SORL1: variants seen among roughly 807,000 people sequenced by gnomAD.
SORL1 encodes sortilin related receptor 1.
A neutral mutation model predicts 273.7 loss-of-function variants in SORL1; 127 were observed. The observed-to-expected ratio is 0.46, with a 90% CI of 0.40 to 0.54. SORL1 has a LOEUF of 0.54. Among genes scored for constraint, SORL1 ranks in the 20% least tolerant of loss-of-function variants. The pLI is 0.00. For synonymous variants in SORL1, 1,031 were observed against 1,067.4 expected (o/e 0.97, Z 0.66); for missense variants, 2,494 against 2,846.1 (o/e 0.88, Z 2.81).
At chr11:121,512,459 A>G (rs1470351590) in intron 6 of SORL1, among the ~76,000 whole-genome samples, 3 of 152,232 alleles carry the variant, frequency 2.0e-5, no homozygotes, top group East Asian at 3.8e-4. Context: ...ACCTTCCTCA[A>G]TGAGATTATT....
intron 31 of SORL1, 85 bp downstream of exon 31, chr11:121,591,241 C>A: frequency 6.9e-7 from 1 of 1,446,404 alleles, no homozygotes; most frequent in Non-Finnish European, 9.6e-7. Flanking sequence ...ACAATCCAAC[C>A]GGGCCCCATG....
At chr11:121,507,292 T>C (rs531212627) in intron 6 of SORL1, among the ~76,000 whole-genome samples, 1 of 152,298 alleles carries the variant, frequency 6.6e-6, no homozygotes, top group East Asian at 1.9e-4. Flanking sequence ...AGGAATTCAT[T>C]GAGCTGACTG....
chr11:121,514,903 A>G (rs866097322), intron 8 of SORL1, among the ~76,000 whole-genome samples: 67 of 151,970 alleles, frequency 4.4e-4, no homozygotes, highest in African/African-American at 1.6e-3. Flanking sequence ...TTTGGGAGGG[A>G]TGAATTGGTT....
At position 121,520,731 on chromosome 11, in the gene SORL1, T is replaced by C. The variant is rs1862028237; in HGVS notation, c.1286T>C (p.Ile429Thr). The change falls in exon 9 of 48, where the codon ATT (isoleucine) becomes ACT (threonine). Residue 429 changes from isoleucine (I) to threonine (T), a missense_variant. By Grantham distance (89) the Ile-to-Thr change is moderately conservative. Coordinates refer to ENST00000260197, the MANE Select transcript of SORL1 (RefSeq NM_003105.6). ...GLQGVYIATLINGSMNEENMR... is the reference protein window; with the variant it reads ...GLQGVYIATLTNGSMNEENMR... The stretch of plus-strand genomic sequence containing the variant: ...CAAGGAGTCTACATTGCTACTCTGA[T>C]TAATGGTTCTATGAATGAGGAGAAC... 1.9e-6 allele frequency: 3 copies of C among 1,612,374 alleles called. No individual in the cohort carries two copies. In the African/African-American group the frequency reaches 4.0e-5, roughly 22 times the overall value.
chr11:121,557,923 A>G (rs1042151272), intron 19 of SORL1, among the ~76,000 whole-genome samples: 1 of 152,230 alleles, frequency 6.6e-6, no homozygotes, highest in Non-Finnish European at 1.5e-5. Context: ...CGTAGCATTT[A>G]TGATAGAGAA....
At chr11:121,602,170 C>T (rs1282091542) in intron 32 of SORL1, among the ~76,000 whole-genome samples, 1 of 152,152 alleles carries the variant, frequency 6.6e-6, no homozygotes, top group Non-Finnish European at 1.5e-5. Flanking sequence ...GTTTATTTGT[C>T]ATGAGCTTCC....
Position 121,550,528 on chromosome 11 carries a change from G to A in SORL1, c.2181-57G>A. On this transcript the variant is annotated intron_variant, in intron 15 of 47. Coordinates refer to ENST00000260197, the MANE Select transcript of SORL1 (RefSeq NM_003105.6). This position sits in a 1 kb window ranked among gnomAD's most constrained non-coding sequence, Gnocchi z 5.3. The stretch of plus-strand genomic sequence containing the variant: ...TAGTAAGTGTATTCCCAGCTGGGAT[G>A]CCTTTGTGGCTATTCTTCCATGTTT... 6.8e-7 allele frequency: 1 copy of A among 1,460,168 alleles called. No individual in the cohort carries two copies. The highest frequency in any genetic ancestry group is 9.6e-7 in the Non-Finnish European group (1 of 1,040,396). The allele number at this position is 1,460,168 out of a possible 1,614,324, so 90.5% of individuals were successfully genotyped here. A position where few individuals can be genotyped will look rare whatever the true frequency, so the allele number is the denominator to read the frequency against.
chr11:121,456,921 C>T (rs1197273251), intron 1 of SORL1, among the ~76,000 whole-genome samples: 1 of 152,200 alleles, frequency 6.6e-6, no homozygotes, highest in African/African-American at 2.4e-5. Flanking sequence ...CCATGATACA[C>T]TTGCTTGGGA....
At chr11:121,455,728 C>T (rs1219053825) in intron 1 of SORL1, among the ~76,000 whole-genome samples, 2 of 152,182 alleles carry the variant, frequency 1.3e-5, no homozygotes, top group African/African-American at 4.8e-5. Context: ...GTTCAAGGCT[C>T]ACGCCTGTAA....
chr11:121,474,633 T>C (rs1445731980), intron 2 of SORL1, among the ~76,000 whole-genome samples: 2 of 152,198 alleles, frequency 1.3e-5, no homozygotes, highest in African/African-American at 4.8e-5. Flanking sequence ...TAGCATCATA[T>C]TGAGGTCAGA....
At chr11:121,555,070 A>G in intron 17 of SORL1, 117 bp from the exon 18 acceptor site, 1 of 1,137,632 alleles carries the variant, frequency 8.8e-7, no homozygotes, top group Non-Finnish European at 1.2e-6. Flanking sequence ...CTAACGTAAA[A>G]CATCTCATCC....
At chr11:121,599,596 C>T (rs1863355154) in intron 32 of SORL1, among the ~76,000 whole-genome samples, 1 of 152,134 alleles carries the variant, frequency 6.6e-6, no homozygotes, top group Non-Finnish European at 1.5e-5. Flanking sequence ...ATTTTAATCT[C>T]CTTGGTTAAC....
Position 121,588,113 on chromosome 11 carries a change from G to A in SORL1, c.3908G>A (p.Arg1303His), listed in dbSNP as rs747754232. 8.7e-6 allele frequency: 14 copies of A among 1,613,696 alleles called. No individual in the cohort carries two copies. The Admixed American group carries it at 1.3e-4, about 15-fold the overall frequency. The stretch of plus-strand genomic sequence containing the variant: ...GTCTGTGACGGAATCATCCAGTGCC[G>A]CGACGGGTCCGATGAGGATGCGGCG... ...SMVCDGIIQC[R>H]DGSDEDAAFA... Residue 1303 changes from arginine (R) to histidine (H), a missense_variant, in exon 28 of 48, where the codon CGC becomes CAC. By Grantham distance (29) the Arg-to-His change is conservative. Transcript: ENST00000260197.
At chr11:121,471,766 A>G (rs1861172345) in intron 2 of SORL1, among the ~76,000 whole-genome samples, 1 of 152,180 alleles carries the variant, frequency 6.6e-6, no homozygotes, top group African/African-American at 2.4e-5. Flanking sequence ...TAGGGCAGCC[A>G]CAGAAGGGAA....
In SORL1 at chr11:121,627,962, A is replaced by T. The variant is rs536245701; in HGVS notation, c.6577+195A>T. Among the ~76,000 whole-genome samples the T allele has an allele frequency of 1.3e-5, 2 of 152,322 alleles. No individual in the cohort carries two copies. The highest frequency in any genetic ancestry group is 3.9e-4 in the East Asian group (2 of 5,184). ...TTTTTAACTTTTAAGTTAAATTAAA[A>T]TGTTGTATTCTCTTTGATTGTGTAG... is the stretch of plus-strand genomic sequence containing the variant. On this transcript the variant is annotated intron_variant, in intron 47 of 47. Transcript: ENST00000260197. The surrounding 1 kb of genome is among the most constrained non-coding windows in gnomAD (Gnocchi z 4.9).
chr11:121,496,058 A>T (rs1021497488), intron 5 of SORL1, among the ~76,000 whole-genome samples: 3 of 152,242 alleles, frequency 2.0e-5, no homozygotes, highest in African/African-American at 7.2e-5. Context: ...AAACTCATGT[A>T]AAAGGCTTGG....
At chr11:121,555,033 C>T in intron 17 of SORL1, 154 bp from the exon 18 acceptor site, 6 of 737,652 alleles carry the variant, frequency 8.1e-6, no homozygotes, top group South Asian at 2.8e-5. Flanking sequence ...TTCATGAAAA[C>T]CTGGCTTCAT....
chr11:121,550,454 C>T lies in SORL1; in HGVS notation c.2181-131C>T. 2 of 803,852 alleles carry T rather than the reference C, an allele frequency of 2.5e-6. No homozygotes were observed. Among genetic ancestry groups the T allele is most frequent in the South Asian group, 2.9e-5 (2 of 67,800 alleles). The allele number at this position is 803,852 out of a possible 1,614,324, so 49.8% of individuals were successfully genotyped here. On this transcript the variant is annotated intron_variant, in intron 15 of 47. Coordinates refer to ENST00000260197, the MANE Select transcript of SORL1 (RefSeq NM_003105.6). This position sits in a 1 kb window ranked among gnomAD's most constrained non-coding sequence, Gnocchi z 5.3. Reference sequence around the variant, plus strand: ...ACTGACTCAGAACTACGAACATCCTCTTTCTAGTTCTAAAGAGAAATGAGT... The same window carrying T: ...ACTGACTCAGAACTACGAACATCCTTTTTCTAGTTCTAAAGAGAAATGAGT...
At chr11:121,522,339 C>A (rs1476019998) in intron 9 of SORL1, among the ~76,000 whole-genome samples, 1 of 152,070 alleles carries the variant, frequency 6.6e-6, no homozygotes, top group African/African-American at 2.4e-5. Flanking sequence ...ATTGTTATTC[C>A]CTGAGAGTCT....
Sources: allele counts gnomAD v4.1 joint callset (sites outside exome capture counted in the v4.1 genomes callset), GRCh38; gene constraint gnomAD v4.1.1; non-coding constraint Gnocchi (gnomAD v3.1); transcripts MANE v1.5; gene names NCBI Gene and HGNC (gene_info 2026-07-23, HGNC 2026-07-21).